Variants in CENPE observed in about 807,000 individuals in gnomAD.
CENPE encodes the protein centromere-associated protein E.
CENPE carries 145 observed loss-of-function variants against 336.1 expected under a neutral mutation model. The observed-to-expected ratio is 0.43, with a 90% CI of 0.38 to 0.50. The LOEUF (loss-of-function observed/expected upper bound fraction) is 0.50, where lower values mean the gene tolerates loss of function less well. CENPE is among the 20% of genes least tolerant of loss of function. The probability of loss-of-function intolerance (pLI) is 0.00; values close to 1 mark genes in which losing one functional copy is unlikely to be tolerated. For missense variants in CENPE, 2,719 were observed against 3,023.3 expected (o/e 0.90, Z 2.36); for synonymous variants, 1,013 against 984.8 (o/e 1.03, Z -0.54).
At position 103,133,680 on chromosome 4, in the gene CENPE, T is replaced by C; in HGVS notation, c.6720+15A>G. On this transcript the variant is annotated intron_variant, in intron 41 of 48. Transcript: ENST00000265148. ...GGCTTAAAATCTAACTAAATCCATTTAAAATAAATTATACCTCAATATGTA... is the reference window on the plus strand; with the variant it reads ...GGCTTAAAATCTAACTAAATCCATTCAAAATAAATTATACCTCAATATGTA... 6.6e-7 allele frequency: 1 copy of C among 1,515,584 alleles called. No homozygotes were observed. The highest frequency in any genetic ancestry group is 9.1e-7 in the Non-Finnish European group (1 of 1,103,262). 93.9% of individuals were successfully genotyped at this position (1,515,584 alleles called of 1,614,324 possible). A position where few individuals can be genotyped will look rare whatever the true frequency, so the allele number is the denominator to read the frequency against.
In CENPE at chr4:103,153,140, TAAA is replaced by T; in HGVS notation, c.3141_3143del (p.Leu1048del). On this transcript the variant is annotated inframe_deletion, in exon 25 of 49. Coordinates refer to ENST00000265148, the MANE Select transcript of CENPE (RefSeq NM_001813.3). ...GTTGGAGTTCATTTTTCTCCTGTAT[TAAA>T]GAAAATATCTTCCTTTGTTGCTCAA... 1 of 1,612,024 alleles carries T rather than the reference TAAA, an allele frequency of 6.2e-7. No individual in the cohort carries two copies.
At chr4:103,133,637 C>A (rs920232413) in intron 41 of CENPE, 58 bp downstream of exon 41, 65 of 1,160,930 alleles carry the variant, frequency 5.6e-5, no homozygotes, top group Non-Finnish European at 6.5e-5. Context: ...GAAAAAGTAC[C>A]TTTCTACTTG....
At chr4:103,176,150 A>G in intron 14 of CENPE, 102 bp from the exon 15 acceptor site, 1 of 623,732 alleles carries the variant, frequency 1.6e-6, no homozygotes, top group Non-Finnish European at 2.8e-6. Flanking sequence ...GATACTAAGA[A>G]CTTCAAATTA....
chr4:103,137,231 G>A (rs1340974455), intron 39 of CENPE, among the ~76,000 whole-genome samples: 3 of 152,060 alleles, frequency 2.0e-5, no homozygotes, highest in Non-Finnish European at 1.5e-5. Flanking sequence ...GAGCAATAAA[G>A]CCTATATCAT....
chr4:103,180,581 T>C, intron 12 of CENPE, 112 bp from the exon 13 acceptor site: 2 of 649,726 alleles, frequency 3.1e-6, no homozygotes, highest in Non-Finnish European at 4.8e-6. Flanking sequence ...ATAAGAATTT[T>C]AATTTCACTG....
rs146843127 is a variant in CENPE at position 103,140,960 on chromosome 4, T to C, written c.5608A>G (p.Asn1870Asp). The stretch of plus-strand genomic sequence containing the variant: ...TGAAGTTTCTGAGCCAAATTTAAAT[T>C]CTCTATTTCTAATTTACTCAGAGTT... ...SLTLSKLEIE[N>D]LNLAQKLHEN... Residue 1870 changes from asparagine (N) to aspartate (D), a missense_variant, in exon 36 of 49, where the codon AAT becomes GAT. This residue lies in a region of CENPE where 2,437 missense variants were observed against 2,513.3 expected (regional missense o/e 0.97). Coordinates refer to ENST00000265148, the MANE Select transcript of CENPE (RefSeq NM_001813.3). The C allele has an allele frequency of 6.8e-6, 11 of 1,612,340 alleles. No individual in the cohort carries two copies. In the African/African-American group the frequency reaches 1.2e-4, roughly 18 times the overall value.
intron 6 of CENPE, 60 bp from the exon 7 acceptor site, chr4:103,194,501 TTTTTA>T: frequency 6.8e-7 from 1 of 1,468,010 alleles, no homozygotes; most frequent in East Asian, 2.3e-5. Context: ...AACACAATAA[TTTTTA>T]TTTTAACTTA....
chr4:103,163,515 TAAA>T lies in CENPE; in HGVS notation c.1683_1685del (p.Asn561_Leu562delinsLys). On this transcript the variant is annotated inframe_deletion, in exon 17 of 49. Coordinates refer to ENST00000265148, the MANE Select transcript of CENPE (RefSeq NM_001813.3). ...GATTATATACTTCTGCATGCTTAACTAAATTCTTTAAGTTCGAAATTTCATGAA... is the reference window on the plus strand; with the variant it reads ...GATTATATACTTCTGCATGCTTAACTTTCTTTAAGTTCGAAATTTCATGAA... 6.3e-7 allele frequency: 1 copy of T among 1,593,272 alleles called. No homozygotes were observed. Among genetic ancestry groups the T allele is most frequent in the East Asian group, 2.3e-5 (1 of 44,062 alleles).
At chr4:103,110,213 G>C (rs1287357820) in intron 47 of CENPE, among the ~76,000 whole-genome samples, 2 of 152,122 alleles carry the variant, frequency 1.3e-5, no homozygotes, top group Non-Finnish European at 2.9e-5. Context: ...GCAATAAAAC[G>C]AGGTATGCCT....
At chr4:103,131,628 T>A (rs1487907131) in intron 42 of CENPE, among the ~76,000 whole-genome samples, 1 of 152,328 alleles carries the variant, frequency 6.6e-6, no homozygotes, top group South Asian at 2.1e-4. Context: ...GTTGAAAATG[T>A]ATGTCCACAC....
intron 29 of CENPE, among the ~76,000 whole-genome samples, chr4:103,146,480 C>T (rs1034168579): frequency 6.6e-6 from 1 of 152,056 alleles, no homozygotes; most frequent in African/African-American, 2.4e-5. Flanking sequence ...GAAGGGATTC[C>T]TAGAGGAGAA....
chr4:103,189,260 A>G (rs1013293705), intron 8 of CENPE, among the ~76,000 whole-genome samples: 13 of 152,200 alleles, frequency 8.5e-5, no homozygotes, highest in Non-Finnish European at 1.6e-4. Flanking sequence ...TAATCAATAC[A>G]AAACAAGGGA....
At chr4:103,107,426 G>A (rs1748989864) in intron 48 of CENPE, among the ~76,000 whole-genome samples, 1 of 152,146 alleles carries the variant, frequency 6.6e-6, no homozygotes, top group Non-Finnish European at 1.5e-5. Context: ...CTGGCAAATA[G>A]TGCTCAAGGT....
intron 34 of CENPE, among the ~76,000 whole-genome samples, chr4:103,142,271 T>A (rs1752628781): frequency 6.6e-6 from 1 of 152,214 alleles, no homozygotes; most frequent in African/African-American, 2.4e-5. Flanking sequence ...ACACACACAC[T>A]CCTTTAACAG....
chr4:103,161,215 C>T lies in CENPE; in HGVS notation c.2002G>A (p.Asp668Asn). Residue 668 changes from aspartate (D) to asparagine (N), a missense_variant, in exon 20 of 49, where the codon GAT becomes AAT. By Grantham distance (23) the Asp-to-Asn change is conservative. Around this residue, in one of 5 missense-constraint regions of CENPE, gnomAD observed 2,437 missense variants for 2,513.3 expected, o/e 0.97. Coordinates refer to ENST00000265148, the MANE Select transcript of CENPE (RefSeq NM_001813.3). ...LATTYKQMEN[D>N]IQLYQSQLEA... ...AACTGGCTTTGATATAACTGAATAT[C>T]ATTTTCCATTTGCTTGTATGTAGTT... 1 of 1,609,752 alleles carries T rather than the reference C, an allele frequency of 6.2e-7. No individual in the cohort carries two copies. Among genetic ancestry groups the T allele is most frequent in the East Asian group, 2.2e-5 (1 of 44,706 alleles).
At chr4:103,163,361 AG>A in intron 17 of CENPE, 105 bp from the exon 18 acceptor site, 2 of 1,272,332 alleles carry the variant, frequency 1.6e-6, no homozygotes, top group Non-Finnish European at 2.2e-6. Context: ...TAAAATTCAA[AG>A]TCACTAATAT....
At chr4:103,132,957 T>C (rs1224726811) in intron 41 of CENPE, 61 bp from the exon 42 acceptor site, 6 of 229,306 alleles carry the variant, frequency 2.6e-5, no homozygotes, top group Non-Finnish European at 4.6e-5. Context: ...CCAAATATTT[T>C]ATTTATATAT....
intron 9 of CENPE, among the ~76,000 whole-genome samples, chr4:103,185,170 TG>T (rs1234544117): frequency 6.6e-6 from 1 of 152,106 alleles, no homozygotes; most frequent in Non-Finnish European, 1.5e-5. Context: ...CTGGGCGTGA[TG>T]GTGCATGTCT....
At position 103,159,246 on chromosome 4, in the gene CENPE, T is replaced by C. The variant is rs368819601; in HGVS notation, c.2365A>G (p.Ser789Gly). 5 of 1,608,096 alleles carry C rather than the reference T, an allele frequency of 3.1e-6. No homozygotes were observed. Among genetic ancestry groups the C allele is most frequent in the Non-Finnish European group, 4.3e-6 (5 of 1,176,438 alleles). The change falls in exon 22 of 49, where the codon AGT (serine) becomes GGT (glycine). Residue 789 changes from serine (S) to glycine (G), a missense_variant. By Grantham distance (56) the Ser-to-Gly change is moderately conservative. Coordinates refer to ENST00000265148, the MANE Select transcript of CENPE (RefSeq NM_001813.3). ...KLFSEVVHKE[S>G]RVQGLLEEIG... The stretch of plus-strand genomic sequence containing the variant: ...TCTTCAAGTAAACCTTGAACTCTAC[T>C]CTCCTTATGAACTACTTCAGAAAAC...
Sources: allele counts gnomAD v4.1 joint callset (sites outside exome capture counted in the v4.1 genomes callset), GRCh38; gene constraint gnomAD v4.1.1; regional missense constraint gnomAD v4.1.1; transcripts MANE v1.5; gene names NCBI Gene and HGNC (gene_info 2026-07-23, HGNC 2026-07-21).